Variants in DLG2 observed in about 807,000 individuals in gnomAD.
DLG2 encodes the protein discs large MAGUK scaffold protein 2, also known as disks large homolog 2.
Under a neutral mutation model 132.5 loss-of-function variants are expected in DLG2, and 45 were observed. That is an observed-to-expected ratio of 0.34 (90% CI 0.27 to 0.44). The LOEUF (loss-of-function observed/expected upper bound fraction) is 0.44, where lower values mean the gene tolerates loss of function less well. Among genes scored for constraint, DLG2 ranks in the 20% least tolerant of loss-of-function variants. The pLI is 1.00. For missense variants in DLG2, 1,045 were observed against 1,196.9 expected (o/e 0.87, Z 1.87); for synonymous variants, 424 against 419.6 (o/e 1.01, Z -0.13).
chr11:84,592,243 G>C (rs1224631198), intron 6 of DLG2, among the ~76,000 whole-genome samples: 1 of 152,188 alleles, frequency 6.6e-6, no homozygotes, highest in Non-Finnish European at 1.5e-5. Flanking sequence ...AATTACTTAT[G>C]GGGACATTTG....
intron 6 of DLG2, among the ~76,000 whole-genome samples, chr11:84,943,996 G>A (rs920958017): frequency 8.6e-5 from 13 of 151,940 alleles, no homozygotes; most frequent in Admixed American, 3.3e-4. Flanking sequence ...ATGTTTGAAG[G>A]ATATTTTCAC....
At chr11:85,550,777 C>T (rs1216639270) in intron 3 of DLG2, among the ~76,000 whole-genome samples, 1 of 152,242 alleles carries the variant, frequency 6.6e-6, no homozygotes, top group Non-Finnish European at 1.5e-5. Flanking sequence ...GGCTAACTCT[C>T]CAGTTCAAGA....
intron 19 of DLG2, among the ~76,000 whole-genome samples, chr11:83,623,170 C>T (rs1007702391): frequency 6.6e-6 from 1 of 151,884 alleles, no homozygotes; most frequent in Non-Finnish European, 1.5e-5. Flanking sequence ...GTGTACTATC[C>T]TTCTTTATCT....
chr11:85,032,025 A>G (rs747652431), intron 6 of DLG2, among the ~76,000 whole-genome samples: 2 of 139,070 alleles, frequency 1.4e-5, no homozygotes, highest in Non-Finnish European at 3.0e-5. Flanking sequence ...CTGGTCTTGA[A>G]CACCTAACCT....
intron 15 of DLG2, among the ~76,000 whole-genome samples, chr11:83,901,887 T>C (rs72943850): frequency 6.6e-6 from 1 of 151,580 alleles, no homozygotes; most frequent in Admixed American, 6.6e-5. Flanking sequence ...GTCTTCATGA[T>C]TTTTTTTTGT....
At chr11:85,408,365 A>T in intron 3 of DLG2, among the ~76,000 whole-genome samples, 1 of 150,838 alleles carries the variant, frequency 6.6e-6, no homozygotes, top group East Asian at 2.0e-4. Context: ...TTTATCTTCT[A>T]TTGTAAATTG....
intron 6 of DLG2, among the ~76,000 whole-genome samples, chr11:85,082,528 C>T (rs1456547596): frequency 1.3e-5 from 2 of 151,884 alleles, no homozygotes; most frequent in Admixed American, 6.6e-5. Flanking sequence ...AGCAGAAGAC[C>T]CTAAAAAGAG....
intron 7 of DLG2, among the ~76,000 whole-genome samples, chr11:84,523,823 A>G (rs1378617308): frequency 6.6e-6 from 1 of 152,214 alleles, no homozygotes. Flanking sequence ...CACTATTAAC[A>G]CTTATCTAGA....
chr11:85,558,830 C>T (rs959472392), intron 3 of DLG2, among the ~76,000 whole-genome samples: 9 of 151,864 alleles, frequency 5.9e-5, no homozygotes, highest in African/African-American at 1.9e-4. Flanking sequence ...AAACTAACTA[C>T]TGGGTACTAT....
intron 6 of DLG2, among the ~76,000 whole-genome samples, chr11:85,051,912 G>C (rs1231052839): frequency 6.6e-6 from 1 of 152,142 alleles, no homozygotes; most frequent in Admixed American, 6.5e-5. Flanking sequence ...CATGCTTTTT[G>C]AGTGTCGTTT....
At chr11:83,800,764 T>C (rs2044147601) in intron 17 of DLG2, among the ~76,000 whole-genome samples, 2 of 152,186 alleles carry the variant, frequency 1.3e-5, no homozygotes, top group South Asian at 4.1e-4. Flanking sequence ...AAAGTATAAC[T>C]TGGCTGTCCA....
At chr11:83,941,629 G>T (rs1249804552) in intron 14 of DLG2, among the ~76,000 whole-genome samples, 1 of 152,042 alleles carries the variant, frequency 6.6e-6, no homozygotes, top group African/African-American at 2.4e-5. Flanking sequence ...CTTGACCTCA[G>T]GTGATCCGCC....
intron 7 of DLG2, among the ~76,000 whole-genome samples, chr11:84,445,872 T>C (rs370297349): frequency 7.2e-5 from 10 of 138,796 alleles, no homozygotes; most frequent in South Asian, 2.3e-4. Context: ...GCCGAGATGG[T>C]GTCACTGCAC....
chr11:84,654,817 A>T (rs2099686274), intron 6 of DLG2, among the ~76,000 whole-genome samples: 1 of 152,132 alleles, frequency 6.6e-6, no homozygotes, highest in African/African-American at 2.4e-5. Context: ...CAGAGGCAAG[A>T]GTTTGCTGAC....
At chr11:85,083,870 G>T (rs554951683) in intron 6 of DLG2, among the ~76,000 whole-genome samples, 12 of 152,022 alleles carry the variant, frequency 7.9e-5, no homozygotes, top group Non-Finnish European at 1.6e-4. Context: ...AGGGGAGGAA[G>T]GTATAATGGG....
intron 18 of DLG2, among the ~76,000 whole-genome samples, chr11:83,740,334 A>G (rs1457246149): frequency 2.0e-5 from 3 of 152,202 alleles, no homozygotes; most frequent in Admixed American, 2.0e-4. Context: ...AAAATGAATG[A>G]ACTACACCTA....
At chr11:85,396,758 C>G (rs1014977678) in intron 3 of DLG2, among the ~76,000 whole-genome samples, 1 of 152,074 alleles carries the variant, frequency 6.6e-6, no homozygotes, top group Non-Finnish European at 1.5e-5. Context: ...AACAAAGCCT[C>G]CAAGAAATAT....
chr11:83,784,009 T>C (rs1650942157), intron 18 of DLG2, among the ~76,000 whole-genome samples: 1 of 152,232 alleles, frequency 6.6e-6, no homozygotes, highest in Admixed American at 6.5e-5. Flanking sequence ...GGGCAGATTT[T>C]TGTGAGCATC....
intron 10 of DLG2, among the ~76,000 whole-genome samples, chr11:84,080,918 C>T (rs575473944): frequency 6.0e-5 from 9 of 150,508 alleles, no homozygotes; most frequent in South Asian, 2.1e-4. Context: ...CTTGAACCCA[C>T]GAGGCAGAGG....
Sources: gnomAD v4.1 joint callset for allele counts (sites outside exome capture counted in the v4.1 genomes callset) on GRCh38, gnomAD v4.1.1 for gene constraint, MANE v1.5 for transcripts, NCBI Gene and HGNC (gene_info 2026-07-23, HGNC 2026-07-21) for gene names.